Variants in ERC2 observed in about 807,000 individuals in gnomAD.
ERC2 encodes the protein ELKS/RAB6-interacting/CAST family member 2, also known as ERC protein 2.
Under a neutral mutation model 114.8 loss-of-function variants are expected in ERC2, and 42 were observed. That is an observed-to-expected ratio of 0.37 (90% CI 0.29 to 0.47). The LOEUF (loss-of-function observed/expected upper bound fraction) is 0.47. Among genes scored for constraint, ERC2 ranks in the 20% least tolerant of loss-of-function variants. The pLI, the probability that ERC2 is intolerant of heterozygous loss-of-function variation, is 0.99. For synonymous variants in ERC2, 454 were observed against 425.5 expected (o/e 1.07, Z -0.82); for missense variants, 939 against 1,150.7 (o/e 0.82, Z 2.66).
intron 3 of ERC2, among the ~76,000 whole-genome samples, chr3:56,270,194 A>G (rs1000729524): frequency 2.2e-4 from 34 of 152,228 alleles, no homozygotes; most frequent in Non-Finnish European, 2.6e-4. Context: ...AAGAAAAACA[A>G]CAAATCATTC....
intron 14 of ERC2, among the ~76,000 whole-genome samples, chr3:55,886,250 A>C (rs1270141699): frequency 2.6e-5 from 4 of 152,340 alleles, no homozygotes; most frequent in Non-Finnish European, 2.9e-5. Flanking sequence ...ATTCTATACT[A>C]CATTTATTAT....
intron 17 of ERC2, among the ~76,000 whole-genome samples, chr3:55,526,155 C>A (rs551591296): frequency 2.6e-5 from 4 of 152,138 alleles, no homozygotes; most frequent in African/African-American, 9.6e-5. Flanking sequence ...CCAAGGGTAC[C>A]AGCAACCACC....
chr3:55,842,152 G>C (rs559310846), intron 14 of ERC2, among the ~76,000 whole-genome samples: 126 of 152,244 alleles, frequency 8.3e-4, no homozygotes, highest in African/African-American at 3.0e-3. Flanking sequence ...AAAATATTAA[G>C]AATCTGCCTA....
At chr3:55,702,098 T>C (rs2063252506) in intron 15 of ERC2, among the ~76,000 whole-genome samples, 1 of 152,218 alleles carries the variant, frequency 6.6e-6, no homozygotes, top group Non-Finnish European at 1.5e-5. Context: ...CTTTGAACTG[T>C]ATCCCATAAA....
intron 16 of ERC2, among the ~76,000 whole-genome samples, chr3:55,692,839 T>C (rs1049155551): frequency 2.6e-5 from 4 of 152,182 alleles, no homozygotes; most frequent in Admixed American, 2.6e-4. Context: ...ACTGGGATCA[T>C]TTTACTGTAT....
Position 56,410,060 on chromosome 3 carries a change from A to G in ERC2, c.657+24291T>C, listed in dbSNP as rs542558444. On this transcript the variant is annotated intron_variant, in intron 2 of 17. Coordinates refer to ENST00000288221, the MANE Select transcript of ERC2 (RefSeq NM_015576.3). ...TCTTAAAATGAAGCCTCATTACCCC[A>G]GTTGGCCTGGGTGAGGCTTTTTTCC... is the stretch of plus-strand genomic sequence containing the variant. Among the ~76,000 whole-genome samples the G allele has an allele frequency of 3.3e-5, 5 of 152,318 alleles. No individual in the cohort carries two copies. In the South Asian group the frequency reaches 1.0e-3, roughly 32 times the overall value.
At chr3:55,899,123 C>A (rs1271728328) in intron 13 of ERC2, among the ~76,000 whole-genome samples, 4 of 152,170 alleles carry the variant, frequency 2.6e-5, no homozygotes, top group African/African-American at 9.7e-5. Flanking sequence ...TGAGAACATA[C>A]CATTTTCACA....
intron 17 of ERC2, among the ~76,000 whole-genome samples, chr3:55,635,285 A>T (rs150059677): frequency 1.3e-5 from 2 of 152,172 alleles, no homozygotes; most frequent in Non-Finnish European, 2.9e-5. Context: ...ATCCTCCAAG[A>T]TCTCTGTCAG....
At position 56,263,999 on chromosome 3, in the gene ERC2, C is replaced by T. The variant is rs147273757; in HGVS notation, c.1074+32020G>A. Among the ~76,000 whole-genome samples the T allele has an allele frequency of 3.2e-4, 48 of 152,196 alleles. No homozygotes were observed. The East Asian group carries it at 8.9e-3, about 28-fold the overall frequency. ...CCTGGGATGCAAGGTTGATTTAACA[C>T]ATGCAAGTAAATTAATGTGATACAT... On this transcript the variant is annotated intron_variant, in intron 3 of 17. Coordinates refer to ENST00000288221, the MANE Select transcript of ERC2 (RefSeq NM_015576.3).
intron 12 of ERC2, among the ~76,000 whole-genome samples, chr3:55,970,854 G>A (rs889520331): frequency 2.6e-5 from 4 of 152,100 alleles, no homozygotes; most frequent in African/African-American, 9.7e-5. Flanking sequence ...GCCATGAGAA[G>A]TGAAAACATA....
chr3:56,369,470 CT>C (rs1391496025), intron 2 of ERC2, among the ~76,000 whole-genome samples: 2 of 152,164 alleles, frequency 1.3e-5, no homozygotes, highest in Admixed American at 1.3e-4. Flanking sequence ...CAAAAAAGGA[CT>C]AATTATTACA....
rs1364005534 is a variant in ERC2, at chr3:56,252,482, C to T, written c.1074+43537G>A. Among the ~76,000 whole-genome samples the T allele has an allele frequency of 2.0e-5, 3 of 152,100 alleles. No individual in the cohort carries two copies. In the South Asian group the frequency reaches 6.2e-4, roughly 32 times the overall value. Reference sequence around the variant, plus strand: ...TAACAGGGGCATGCCTGGCCGGGCACAGTGGCTCATGCCTGTAATCCCAGC... The same window carrying T: ...TAACAGGGGCATGCCTGGCCGGGCATAGTGGCTCATGCCTGTAATCCCAGC... On this transcript the variant is annotated intron_variant, in intron 3 of 17. Transcript: ENST00000288221.
At chr3:56,026,057 C>CTTTTT (rs59635680) in intron 7 of ERC2, among the ~76,000 whole-genome samples, 125 of 69,192 alleles carry the variant, frequency 1.8e-3, no homozygotes, top group East Asian at 2.5e-3. Context: ...CCGTTTCTTT[C>CTTTTT]TTTTTTTTTT....
chr3:55,947,955 C>T (rs372047904), intron 13 of ERC2, among the ~76,000 whole-genome samples: 143 of 152,192 alleles, frequency 9.4e-4, no homozygotes, highest in African/African-American at 3.1e-3. Context: ...CAATTTCTGT[C>T]GGAAAACTGT....
intron 1 of ERC2, among the ~76,000 whole-genome samples, chr3:56,459,761 C>A (rs2063227532): frequency 6.6e-6 from 1 of 152,164 alleles, no homozygotes. Context: ...TTAGTTCCTT[C>A]CTGAAGGTTC....
intron 17 of ERC2, among the ~76,000 whole-genome samples, chr3:55,583,799 A>G (rs1378414822): frequency 6.6e-6 from 1 of 151,646 alleles, no homozygotes; most frequent in Non-Finnish European, 1.5e-5. Flanking sequence ...GAGCTCACTG[A>G]GTTGCTTTTC....
chr3:55,597,676 G>T (rs2058210984), intron 17 of ERC2, among the ~76,000 whole-genome samples: 1 of 152,018 alleles, frequency 6.6e-6, no homozygotes, highest in Non-Finnish European at 1.5e-5. Flanking sequence ...CTGCCTTCCT[G>T]GCCCCACCCT....
intron 6 of ERC2, among the ~76,000 whole-genome samples, chr3:56,111,633 C>G (rs2078970991): frequency 6.6e-6 from 1 of 152,164 alleles, no homozygotes; most frequent in East Asian, 1.9e-4. Context: ...CATTATTAAA[C>G]CATCTAAGCC....
At chr3:55,965,635 A>G (rs2068697878) in intron 12 of ERC2, among the ~76,000 whole-genome samples, 1 of 152,188 alleles carries the variant, frequency 6.6e-6, no homozygotes, top group African/African-American at 2.4e-5. Flanking sequence ...AACTTCTTCC[A>G]AACTATTTTC....
Sources: gnomAD v4.1 joint callset for allele counts (sites outside exome capture counted in the v4.1 genomes callset) on GRCh38, gnomAD v4.1.1 for gene constraint, MANE v1.5 for transcripts, NCBI Gene and HGNC (gene_info 2026-07-23, HGNC 2026-07-21) for gene names.